Variants in FGGY observed in about 807,000 individuals in gnomAD.
FGGY encodes the protein FGGY carbohydrate kinase domain containing, also known as FGGY carbohydrate kinase domain-containing protein.
FGGY carries 72 observed loss-of-function variants against 71.3 expected under a neutral mutation model. That is an observed-to-expected ratio of 1.01 (90% CI 0.84 to 1.23). The LOEUF is 1.23. Among genes scored for constraint, FGGY ranks in the 50% most tolerant of loss-of-function variants. FGGY has a pLI of 0.00. For synonymous variants in FGGY, 251 were observed against 250.3 expected, an observed-to-expected ratio of 1.00 and a Z score of -0.02; for missense variants, 668 against 682.3, an observed-to-expected ratio of 0.98 and a Z score of 0.23.
At chr1:59,725,863 A>G (rs1343258060) in intron 14 of FGGY, among the ~76,000 whole-genome samples, 4 of 151,992 alleles carry the variant, frequency 2.6e-5, no homozygotes, top group African/African-American at 9.7e-5. Flanking sequence ...TCATCTGAGA[A>G]TAAAGACAGT....
rs528289951 is a variant in FGGY at position 59,346,739 on chromosome 1, CAAAGT to C, written c.465+345_465+349del. Among the ~76,000 whole-genome samples the C allele has an allele frequency of 1.5e-4, 23 of 152,232 alleles. No individual in the cohort carries two copies. The South Asian group carries it at 4.8e-3, about 32-fold the overall frequency. On this transcript the variant is annotated intron_variant, in intron 4 of 15. Coordinates refer to ENST00000303721, the MANE Select transcript of FGGY (RefSeq NM_018291.5). ...AGATAAAACAACTCACTCAAAGTGA[CAAAGT>C]AAATATGTGACAGAACCAGAATTTG...
intron 5 of FGGY, among the ~76,000 whole-genome samples, chr1:59,426,057 TTC>T (rs1434612033): frequency 6.6e-6 from 1 of 152,190 alleles, no homozygotes; most frequent in Admixed American, 6.5e-5. Flanking sequence ...TTGAAATCAA[TTC>T]TCTCTGTCCT....
intron 7 of FGGY, among the ~76,000 whole-genome samples, chr1:59,532,013 A>G (rs978605230): frequency 5.3e-5 from 8 of 152,238 alleles, no homozygotes; most frequent in African/African-American, 2.4e-5. Context: ...CATGTAAAAT[A>G]TGAATAATTT....
At chr1:59,302,739 C>G (rs888810851) in intron 1 of FGGY, among the ~76,000 whole-genome samples, 1 of 151,948 alleles carries the variant, frequency 6.6e-6, no homozygotes, top group African/African-American at 2.4e-5. Flanking sequence ...ATAAAAAATG[C>G]AAACCTAAAG....
At chr1:59,587,296 T>G (rs1432867208) in intron 8 of FGGY, among the ~76,000 whole-genome samples, 1 of 151,900 alleles carries the variant, frequency 6.6e-6, no homozygotes, top group Admixed American at 6.6e-5. Context: ...GCCTGGAAGC[T>G]CGAACTGGGT....
chr1:59,325,322 A>C (rs377033797), intron 2 of FGGY, among the ~76,000 whole-genome samples: 1 of 152,058 alleles, frequency 6.6e-6, no homozygotes, highest in Middle Eastern at 3.4e-3. Flanking sequence ...GCGCCATTGC[A>C]CTCCAGCCTG....
At chr1:59,481,666 G>C (rs1293188171) in intron 6 of FGGY, among the ~76,000 whole-genome samples, 1 of 152,136 alleles carries the variant, frequency 6.6e-6, no homozygotes, top group Admixed American at 6.5e-5. Context: ...TGCAGGTTCT[G>C]TTTTCATAAT....
At chr1:59,594,315 A>G (rs1296264342) in intron 8 of FGGY, among the ~76,000 whole-genome samples, 1 of 152,240 alleles carries the variant, frequency 6.6e-6, no homozygotes, top group Non-Finnish European at 1.5e-5. Context: ...GCAGAAAGTT[A>G]AATAGTTAGC....
chr1:59,493,946 T>G (rs1335351624), intron 6 of FGGY, among the ~76,000 whole-genome samples: 2 of 152,214 alleles, frequency 1.3e-5, no homozygotes, highest in Non-Finnish European at 2.9e-5. Context: ...ATTTCTTAGT[T>G]TACAGCTAAG....
chr1:59,626,792 T>G (rs1572282514), intron 10 of FGGY: 2 of 151,660 alleles, frequency 1.3e-5, no homozygotes, highest in East Asian at 1.9e-4. Flanking sequence ...GAGGTGGAGG[T>G]TGCAGTGAGC....
intron 14 of FGGY, among the ~76,000 whole-genome samples, chr1:59,678,947 C>T (rs1426671120): frequency 6.6e-6 from 1 of 152,162 alleles, no homozygotes; most frequent in Admixed American, 6.5e-5. Flanking sequence ...TGTTGCCACC[C>T]CTGTAAACCA....
At chr1:59,666,587 T>G (rs1397828880) in intron 12 of FGGY, among the ~76,000 whole-genome samples, 1 of 152,206 alleles carries the variant, frequency 6.6e-6, no homozygotes, top group African/African-American at 2.4e-5. Context: ...ATGAGGATAA[T>G]GCATATTAGG....
intron 4 of FGGY, among the ~76,000 whole-genome samples, chr1:59,354,140 C>T (rs1284594989): frequency 6.6e-6 from 1 of 152,100 alleles, no homozygotes; most frequent in East Asian, 1.9e-4. Flanking sequence ...TACAGTAGCA[C>T]AGTCTTGGCT....
chr1:59,321,169 G>A (rs1312737028), intron 1 of FGGY, among the ~76,000 whole-genome samples: 1 of 152,162 alleles, frequency 6.6e-6, no homozygotes, highest in Non-Finnish European at 1.5e-5. Flanking sequence ...TTCTGTTCTT[G>A]TTGATTGAAA....
At chr1:59,456,408 A>G (rs1267915494) in intron 5 of FGGY, among the ~76,000 whole-genome samples, 3 of 152,156 alleles carry the variant, frequency 2.0e-5, no homozygotes, top group East Asian at 3.9e-4. Flanking sequence ...ATATTCATAT[A>G]CAGATTGTTT....
chr1:59,595,779 A>AC (rs753096719), intron 8 of FGGY, among the ~76,000 whole-genome samples: 9 of 152,164 alleles, frequency 5.9e-5, no homozygotes, highest in Non-Finnish European at 1.2e-4. Flanking sequence ...CATGTCATAT[A>AC]TTTGACAGAC....
chr1:59,667,362 G>C lies in FGGY; in HGVS notation c.1376G>C (p.Ser459Thr), dbSNP rs2097335269. Residue 459 changes from serine to threonine, a missense_variant, in exon 13 of 16, where the codon AGC becomes ACC. Transcript: ENST00000303721. Reference protein sequence around the residue: ...ISTLFLCGGLSKNPLFVQMHA... With the variant: ...ISTLFLCGGLTKNPLFVQMHA... ...ACTCTTTTCCTATGTGGAGGCCTCAGCAAGAATCCCCTTTTTGTGCAAATG... is the reference window on the plus strand; with the variant it reads ...ACTCTTTTCCTATGTGGAGGCCTCACCAAGAATCCCCTTTTTGTGCAAATG... 6.2e-7 allele frequency: 1 copy of C among 1,614,076 alleles called. No homozygotes were observed. The highest frequency in any genetic ancestry group is 8.5e-7 in the Non-Finnish European group (1 of 1,180,022).
intron 11 of FGGY, among the ~76,000 whole-genome samples, chr1:59,646,803 C>T (rs747617359): frequency 9.9e-5 from 15 of 152,002 alleles, no homozygotes; most frequent in African/African-American, 2.2e-4. Flanking sequence ...ATAAGTGGAA[C>T]GGGAACCAGT....
chr1:59,415,143 G>A (rs1054141686), intron 5 of FGGY, among the ~76,000 whole-genome samples: 6 of 152,156 alleles, frequency 3.9e-5, no homozygotes, highest in Non-Finnish European at 5.9e-5. Context: ...TTTCTTTGCC[G>A]TCTGGTGGGG....
Sources: allele counts gnomAD v4.1 joint callset (sites outside exome capture counted in the v4.1 genomes callset), GRCh38; gene constraint gnomAD v4.1.1; transcripts MANE v1.5; gene names NCBI Gene and HGNC (gene_info 2026-07-23, HGNC 2026-07-21).